Variants in SH2D4B observed in about 807,000 individuals in gnomAD.
The protein encoded by SH2D4B is SH2 domain containing 4B, also known as SH2 domain-containing protein 4B.
A neutral mutation model predicts 61.5 loss-of-function variants in SH2D4B; 45 were observed. The ratio of observed to expected loss-of-function variants is 0.73; its 90% CI spans 0.58 to 0.94. SH2D4B has a LOEUF of 0.94. Among genes scored for constraint, SH2D4B ranks in the 40% least tolerant of loss-of-function variants. The pLI is 0.00. For synonymous variants in SH2D4B, 224 were observed against 220.4 expected (o/e 1.02, Z -0.14); for missense variants, 572 against 574.2 (o/e 1.00, Z 0.04).
At chr10:80,615,067 T>G (rs1842645480) in intron 6 of SH2D4B, among the ~76,000 whole-genome samples, 1 of 151,988 alleles carries the variant, frequency 6.6e-6, no homozygotes. Flanking sequence ...AGCAGCTGAG[T>G]GGGAATGGAG....
intron 1 of SH2D4B, among the ~76,000 whole-genome samples, chr10:80,548,998 T>G (rs907478924): frequency 1.3e-5 from 2 of 152,208 alleles, no homozygotes; most frequent in African/African-American, 4.8e-5. Flanking sequence ...CTGATAAGCT[T>G]TTCAGATGAA....
At chr10:80,580,849 G>A (rs1015532669) in intron 3 of SH2D4B, among the ~76,000 whole-genome samples, 4 of 152,168 alleles carry the variant, frequency 2.6e-5, no homozygotes, top group Non-Finnish European at 5.9e-5. Context: ...GCTTTGGGCA[G>A]CCAGAGCAAG....
chr10:80,581,232 G>T (rs1451522918), intron 3 of SH2D4B, among the ~76,000 whole-genome samples: 3 of 152,080 alleles, frequency 2.0e-5, no homozygotes, highest in Non-Finnish European at 4.4e-5. Context: ...AATTTAACTT[G>T]CTGCTTCCTT....
At chr10:80,601,484 T>C (rs1173291773) in intron 4 of SH2D4B, among the ~76,000 whole-genome samples, 5 of 152,252 alleles carry the variant, frequency 3.3e-5, no homozygotes, top group African/African-American at 1.2e-4. Flanking sequence ...CAGCACTAAA[T>C]ACTTAAATTG....
chr10:80,570,970 G>C (rs7094398), intron 2 of SH2D4B, among the ~76,000 whole-genome samples: 4,401 of 152,086 alleles, frequency 0.029, 203 homozygotes, highest in African/African-American at 0.1. Flanking sequence ...GATCTCCTGG[G>C]CTCAAGTGAT....
chr10:80,588,230 T>C (rs934709400), intron 3 of SH2D4B, among the ~76,000 whole-genome samples: 1 of 152,110 alleles, frequency 6.6e-6, no homozygotes, highest in Non-Finnish European at 1.5e-5. Flanking sequence ...GTAAGAAATA[T>C]AACAATGTGT....
At chr10:80,599,273 G>A (rs888660189) in intron 4 of SH2D4B, among the ~76,000 whole-genome samples, 2 of 151,356 alleles carry the variant, frequency 1.3e-5, no homozygotes, top group African/African-American at 4.8e-5. Context: ...TGGGAGGACA[G>A]CTGAAGGAGA....
chr10:80,561,570 T>A (rs1841902781), intron 1 of SH2D4B, among the ~76,000 whole-genome samples: 1 of 152,236 alleles, frequency 6.6e-6, no homozygotes, highest in African/African-American at 2.4e-5. Flanking sequence ...TTAAACTTTT[T>A]ATTTTGAATT....
In SH2D4B at chr10:80,546,339, C is replaced by T. The variant is rs567858932; in HGVS notation, c.184+7824C>T. On this transcript the variant is annotated intron_variant, in intron 1 of 7. Transcript: ENST00000646907. ...CTGGGATTATAGGTGTGAGCCACTG[C>T]GCTGGCCACTCATTCAATTTACATT... Among the ~76,000 whole-genome samples the T allele has an allele frequency of 5.3e-5, 8 of 152,132 alleles. No individual in the cohort carries two copies. The South Asian group carries it at 8.3e-4, about 16-fold the overall frequency.
intron 3 of SH2D4B, among the ~76,000 whole-genome samples, chr10:80,583,835 G>T (rs1842213213): frequency 6.6e-6 from 1 of 152,118 alleles, no homozygotes; most frequent in African/African-American, 2.4e-5. Context: ...GTATTAGACT[G>T]GAAAGATAAG....
At chr10:80,596,935 C>T (rs1842391820) in intron 4 of SH2D4B, among the ~76,000 whole-genome samples, 2 of 151,554 alleles carry the variant, frequency 1.3e-5, no homozygotes, top group South Asian at 2.1e-4. Flanking sequence ...TCTGCATCTG[C>T]GGATTCACTC....
At chr10:80,554,977 C>T (rs1367041955) in intron 1 of SH2D4B, among the ~76,000 whole-genome samples, 2 of 140,970 alleles carry the variant, frequency 1.4e-5, no homozygotes, top group Non-Finnish European at 3.0e-5. Context: ...CCACTGCACT[C>T]CAGCCTGGGC....
At chr10:80,643,667 G>A (rs1037389502) in intron 7 of SH2D4B, among the ~76,000 whole-genome samples, 3 of 151,954 alleles carry the variant, frequency 2.0e-5, no homozygotes, top group Admixed American at 2.0e-4. Flanking sequence ...AACACCTACT[G>A]GAGTCCCTCA....
At chr10:80,568,189 G>C (rs1443415435) in intron 1 of SH2D4B, among the ~76,000 whole-genome samples, 2 of 151,838 alleles carry the variant, frequency 1.3e-5, no homozygotes, top group Non-Finnish European at 2.9e-5. Flanking sequence ...ATGTTAGTCT[G>C]GTTTCTCCAA....
chr10:80,541,829 C>A (rs1389459288), intron 1 of SH2D4B, among the ~76,000 whole-genome samples: 1 of 152,106 alleles, frequency 6.6e-6, no homozygotes, highest in Non-Finnish European at 1.5e-5. Flanking sequence ...ACATTTGGAA[C>A]CCACAGAAGT....
intron 7 of SH2D4B, among the ~76,000 whole-genome samples, chr10:80,638,737 G>C (rs539550797): frequency 2.6e-5 from 4 of 152,252 alleles, no homozygotes; most frequent in African/African-American, 9.6e-5. Flanking sequence ...CAAAAAACCA[G>C]CTCCTGGATT....
intron 6 of SH2D4B, among the ~76,000 whole-genome samples, chr10:80,633,085 G>T (rs11813387): frequency 0.027 from 4,078 of 151,924 alleles, 193 homozygotes; most frequent in African/African-American, 0.094. Flanking sequence ...GTGTGCCCTG[G>T]GAGGCAGGAG....
At chr10:80,572,994 T>A (rs1400669502) in intron 3 of SH2D4B, among the ~76,000 whole-genome samples, 141 of 45,892 alleles carry the variant, frequency 3.1e-3, no homozygotes, top group East Asian at 6.8e-3. Flanking sequence ...ATATTTTTTT[T>A]TTTTTTTTTT....
At chr10:80,602,457 T>C (rs1486946482) in intron 4 of SH2D4B, among the ~76,000 whole-genome samples, 1 of 152,192 alleles carries the variant, frequency 6.6e-6, no homozygotes, top group Non-Finnish European at 1.5e-5. Flanking sequence ...AGTGAGACCT[T>C]ATCTCAAAAA....
Sources: gnomAD v4.1 joint callset for allele counts (sites outside exome capture counted in the v4.1 genomes callset) on GRCh38, gnomAD v4.1.1 for gene constraint, MANE v1.5 for transcripts, NCBI Gene and HGNC (gene_info 2026-07-23, HGNC 2026-07-21) for gene names.